The following PIEZO2 variants were observed in gnomAD, a reference collection of about 807,000 sequenced individuals.
PIEZO2 encodes piezo-type mechanosensitive ion channel component 2.
PIEZO2 carries 172 observed loss-of-function variants against 337.3 expected under a neutral mutation model. The ratio of observed to expected loss-of-function variants is 0.51; its 90% confidence interval spans 0.45 to 0.58. PIEZO2 has a LOEUF of 0.58. Ranked by LOEUF, PIEZO2 falls within the 20% of genes least tolerant of loss-of-function variation. PIEZO2 has a pLI of 0.00. For synonymous variants in PIEZO2, 1,251 were observed against 1,228.5 expected, an observed-to-expected ratio of 1.02 and a Z score of -0.38; for missense variants, 3,028 against 3,391.3, an observed-to-expected ratio of 0.89 and a Z score of 2.66.
Position 10,759,237 on chromosome 18 carries a change from G to C in PIEZO2, c.3757+245C>G, listed in dbSNP as rs2038018846. Among the ~76,000 whole-genome samples the C allele has an allele frequency of 6.8e-6, 1 of 147,152 alleles. No homozygotes were observed. Among genetic ancestry groups the C allele is most frequent in the African/African-American group, 2.5e-5 (1 of 40,092 alleles). ...TGTGTGTGTGTGTGTGTTTGTGTGT[G>C]TGTGTTGGGGGAAGTGAAATTATGC... is the stretch of plus-strand genomic sequence containing the variant. On this transcript the variant is annotated intron_variant, in intron 26 of 55. Transcript: ENST00000674853. The surrounding 1 kb of genome is among the most constrained non-coding windows in gnomAD (Gnocchi z 5.5).
rs894826737 is a variant in PIEZO2 at position 11,099,234 on chromosome 18, G to A, written c.65-33012C>T. On this transcript the variant is annotated intron_variant, in intron 1 of 55. Coordinates refer to ENST00000674853, the MANE Select transcript of PIEZO2 (RefSeq NM_001378183.1). This position sits in a 1 kb window ranked among gnomAD's most constrained non-coding sequence, Gnocchi z 5.4. ...TATAGACATATCTCTGCACATTTGTGCCAGTATTTCTGTAGGTTAACATAT... is the reference window on the plus strand; with the variant it reads ...TATAGACATATCTCTGCACATTTGTACCAGTATTTCTGTAGGTTAACATAT... Among the ~76,000 whole-genome samples, 2 of 152,098 alleles carry A rather than the reference G, an allele frequency of 1.3e-5. No individual in the cohort carries two copies. The highest frequency in any genetic ancestry group is 4.8e-5 in the African/African-American group (2 of 41,404).
rs78153961 is a variant in PIEZO2, at chr18:10,695,822, G to A, written c.7190+252C>T. ...TGTTCAGGTTATTAAGGCTGTCACC[G>A]TTGTTATTTATAGAAACCTTATTTC... On this transcript the variant is annotated intron_variant, in intron 47 of 55. Coordinates refer to ENST00000674853, the MANE Select transcript of PIEZO2 (RefSeq NM_001378183.1). 0.057 allele frequency among the ~76,000 whole-genome samples: 8,641 copies of A among 152,186 alleles called. 421 individuals are homozygous for A. Among genetic ancestry groups the A allele is most frequent in the East Asian group, 0.2 (1,037 of 5,170 alleles).
At chr18:10,890,111 A>G (rs996467602) in intron 4 of PIEZO2, among the ~76,000 whole-genome samples, 1 of 152,230 alleles carries the variant, frequency 6.6e-6, no homozygotes. Flanking sequence ...ATTGGCTAGC[A>G]AAGCTCTTGT....
At chr18:11,130,603 G>C (rs1002940083) in intron 1 of PIEZO2, among the ~76,000 whole-genome samples, 1 of 152,186 alleles carries the variant, frequency 6.6e-6, no homozygotes, top group African/African-American at 2.4e-5. Flanking sequence ...TGGACTTATT[G>C]GAGAGACATT....
intron 2 of PIEZO2, among the ~76,000 whole-genome samples, chr18:10,994,182 A>G (rs980469016): frequency 6.6e-6 from 1 of 152,158 alleles, no homozygotes; most frequent in African/African-American, 2.4e-5. Flanking sequence ...GAATGCCATC[A>G]ATTCATTCCC....
Position 11,135,811 on chromosome 18 carries a change from A to T in PIEZO2, c.64+12714T>A, listed in dbSNP as rs2040467373. Among the ~76,000 whole-genome samples, 2 of 152,178 alleles carry T rather than the reference A, an allele frequency of 1.3e-5. 1 individual carries two copies. The highest frequency in any genetic ancestry group is 4.1e-4 in the South Asian group (2 of 4,824). Reference sequence around the variant, plus strand: ...TCCGCCCACCTAGGCCTGCAAAGGTATTTTAAAAAGAGTTTGTTTGACTGG... The same window carrying T: ...TCCGCCCACCTAGGCCTGCAAAGGTTTTTTAAAAAGAGTTTGTTTGACTGG... On this transcript the variant is annotated intron_variant, in intron 1 of 55. Coordinates refer to ENST00000674853, the MANE Select transcript of PIEZO2 (RefSeq NM_001378183.1).
At chr18:11,034,500 A>G (rs2036854991) in intron 2 of PIEZO2, among the ~76,000 whole-genome samples, 2 of 151,984 alleles carry the variant, frequency 1.3e-5, no homozygotes, top group South Asian at 4.2e-4. Context: ...TCGCCGTGTT[A>G]GCCAGGATGG....
intron 3 of PIEZO2, among the ~76,000 whole-genome samples, chr18:10,934,478 C>G (rs1039128924): frequency 3.9e-5 from 6 of 152,198 alleles, no homozygotes; most frequent in Non-Finnish European, 7.4e-5. Flanking sequence ...ACCACTCCCC[C>G]GCAAGTCAGG....
chr18:10,852,920 A>C (rs2041597145), intron 7 of PIEZO2, among the ~76,000 whole-genome samples: 1 of 152,212 alleles, frequency 6.6e-6, no homozygotes, highest in Non-Finnish European at 1.5e-5. Flanking sequence ...TTTCTCTAAA[A>C]TAGTAATTGG....
In PIEZO2 at chr18:10,672,797, G is replaced by C. The variant is rs1303553633; in HGVS notation, c.8238C>G (p.Leu2746=). 6.2e-7 allele frequency: 1 copy of C among 1,613,648 alleles called. No individual in the cohort carries two copies. The highest frequency in any genetic ancestry group is 1.7e-5 in the Admixed American group (1 of 60,012). The change falls in exon 55 of 56, where the codon CTC becomes CTG. Residue 2746 remains leucine (L), a synonymous_variant. Transcript: ENST00000674853. The surrounding 1 kb of genome is among the most constrained non-coding windows in gnomAD (Gnocchi z 4.7). ...TTKYNSEWWV[L]NLTGNRIYNP... Reference sequence around the variant, plus strand: ...TGTATATTCTGTTTCCAGTCAGGTTGAGAACCCACCACTCACTGTTATATT... The same window carrying C: ...TGTATATTCTGTTTCCAGTCAGGTTCAGAACCCACCACTCACTGTTATATT...
intron 7 of PIEZO2, among the ~76,000 whole-genome samples, chr18:10,816,581 A>C (rs1368893840): frequency 6.6e-6 from 1 of 152,240 alleles, no homozygotes; most frequent in Non-Finnish European, 1.5e-5. Context: ...TTATGCTTAC[A>C]AAACAATAGG....
rs183181080 is a variant in PIEZO2, at chr18:11,041,920, A to T, written c.160+24207T>A. 5.6e-3 allele frequency among the ~76,000 whole-genome samples: 854 copies of T among 152,094 alleles called. 7 individuals carry two copies. The highest frequency in any genetic ancestry group is 7.7e-3 in the Non-Finnish European group (523 of 67,982). On this transcript the variant is annotated intron_variant, in intron 2 of 55. Coordinates refer to ENST00000674853, the MANE Select transcript of PIEZO2 (RefSeq NM_001378183.1). The stretch of plus-strand genomic sequence containing the variant: ...GGACTGAGCAGAAAGAGTGACAGTG[A>T]CTCTTCTCCATGACTGCCATGCCCC...
chr18:10,714,470 G>C (rs957776900), intron 39 of PIEZO2, among the ~76,000 whole-genome samples: 2 of 151,506 alleles, frequency 1.3e-5, no homozygotes, highest in African/African-American at 2.4e-5. Context: ...AATAACTTTG[G>C]GGTTGGGAGG....
chr18:10,729,953 A>G (rs1452357064), intron 36 of PIEZO2, among the ~76,000 whole-genome samples: 1 of 152,386 alleles, frequency 6.6e-6, no homozygotes, highest in East Asian at 1.9e-4. Context: ...ACTGAATAAC[A>G]TTCCATAATA....
At chr18:11,058,864 T>C (rs2037828270) in intron 2 of PIEZO2, among the ~76,000 whole-genome samples, 1 of 152,182 alleles carries the variant, frequency 6.6e-6, no homozygotes, top group Non-Finnish European at 1.5e-5. Flanking sequence ...TTCCCCAATC[T>C]AGCAAGGCAG....
At chr18:10,796,613 T>C (rs1255187654) in intron 12 of PIEZO2, among the ~76,000 whole-genome samples, 1 of 152,170 alleles carries the variant, frequency 6.6e-6, no homozygotes, top group African/African-American at 2.4e-5. Flanking sequence ...ATAAATAGAA[T>C]TGAAAAGGAC....
chr18:11,130,021 G>A (rs1376213764), intron 1 of PIEZO2, among the ~76,000 whole-genome samples: 1 of 152,156 alleles, frequency 6.6e-6, no homozygotes, highest in African/African-American at 2.4e-5. Context: ...GGGCTACTAT[G>A]GTGGGAAAGG....
rs1475871799 is a variant in PIEZO2 at position 10,813,346 on chromosome 18, C to A, written c.918-6072G>T. On this transcript the variant is annotated intron_variant, in intron 7 of 55. Transcript: ENST00000674853. This position sits in a 1 kb window ranked among gnomAD's most constrained non-coding sequence, Gnocchi z 4.2. Reference sequence around the variant, plus strand: ...ACACTCATATTGTTGCGAAACCAATCGCCAGAACTTTTTCATCTTGCAAAA... The same window carrying A: ...ACACTCATATTGTTGCGAAACCAATAGCCAGAACTTTTTCATCTTGCAAAA... Among the ~76,000 whole-genome samples the A allele has an allele frequency of 6.6e-6, 1 of 152,130 alleles. No homozygotes were observed. Among genetic ancestry groups the A allele is most frequent in the East Asian group, 1.9e-4 (1 of 5,186 alleles).
Position 10,705,746 on chromosome 18 carries a change from G to T in PIEZO2, c.5589C>A (p.Ser1863Arg). Residue 1863 changes from serine (S) to arginine (R), a missense_variant and splice_region_variant, in exon 41 of 56, where the codon AGC (serine) becomes AGA (arginine). Ser to Arg is a moderately radical substitution (Grantham distance 110). Coordinates refer to ENST00000674853, the MANE Select transcript of PIEZO2 (RefSeq NM_001378183.1). Reference protein sequence around the residue: ...SSADSGSLASSEPTQCTMLYS... With the variant: ...SSADSGSLASREPTQCTMLYS... Reference sequence around the variant, plus strand: ...ACAGCATGGTACACTGCGTGGGCTCGCTGTTGGGAGAAAGCGTGGGCACAG... The same window carrying T: ...ACAGCATGGTACACTGCGTGGGCTCTCTGTTGGGAGAAAGCGTGGGCACAG... 1 of 1,516,068 alleles carries T rather than the reference G, an allele frequency of 6.6e-7. No individual in the cohort carries two copies. The highest frequency in any genetic ancestry group is 1.2e-5 in the South Asian group (1 of 82,232). 93.9% of individuals were successfully genotyped at this position (1,516,068 alleles called of 1,614,324 possible). A position where few individuals can be genotyped will look rare whatever the true frequency, so the allele number is the denominator to read the frequency against.
Sources: gnomAD v4.1 joint callset for allele counts (sites outside exome capture counted in the v4.1 genomes callset) on GRCh38, gnomAD v4.1.1 for gene constraint, Gnocchi (gnomAD v3.1) non-coding constraint, MANE v1.5 for transcripts, NCBI Gene and HGNC (gene_info 2026-07-23, HGNC 2026-07-21) for gene names.